Variants in TP73 observed in about 807,000 individuals in gnomAD.
TP73 encodes the protein p53-like transcription factor.
TP73 carries 25 observed loss-of-function variants against 62.5 expected under a neutral mutation model. The ratio of observed to expected loss-of-function variants is 0.40; its 90% CI spans 0.29 to 0.56. The LOEUF (loss-of-function observed/expected upper bound fraction) is 0.56. Among genes scored for constraint, TP73 ranks in the 20% least tolerant of loss-of-function variants. TP73 has a pLI of 0.46. For missense variants in TP73, 754 were observed against 913.3 expected (o/e 0.83, Z 2.25); for synonymous variants, 423 against 377.5 (o/e 1.12, Z -1.40).
intron 3 of TP73, among the ~76,000 whole-genome samples, chr1:3,683,474 G>A (rs1318882242): frequency 6.6e-6 from 1 of 152,154 alleles, no homozygotes; most frequent in East Asian, 1.9e-4. Flanking sequence ...TCCAGATGTA[G>A]GAAGGGCTTT....
rs1645252600 is a variant in TP73 at position 3,672,005 on chromosome 1, G to T, written c.-33-10328G>T. Reference sequence around the variant, plus strand: ...GAGTCAGGGCGGGACTCAGAGGGACGCATGACAAGTTCAGGGAGTTGACAG... The same window carrying T: ...GAGTCAGGGCGGGACTCAGAGGGACTCATGACAAGTTCAGGGAGTTGACAG... On this transcript the variant is annotated intron_variant, in intron 1 of 13. Transcript: ENST00000378295. This position sits in a 1 kb window ranked among gnomAD's most constrained non-coding sequence, Gnocchi z 5.3. Among the ~76,000 whole-genome samples, 1 of 152,152 alleles carries T rather than the reference G, an allele frequency of 6.6e-6. No homozygotes were observed. The highest frequency in any genetic ancestry group is 1.5e-5 in the Non-Finnish European group (1 of 68,012).
rs145718621 is a variant in TP73 at position 3,732,836 on chromosome 1, C to T, written c.1668C>T (p.Thr556=). The part of the protein sequence containing the change: ...QDLKQGHDYS[T]AQQLLRSSNA... ...TGAAGCAGGGCCACGACTACAGCAC[C>T]GCGCAGCAGCTGCTCCGCTCTAGCA... The change falls in exon 14 of 14, where the codon ACC becomes ACT. Residue 556 remains threonine (T), a synonymous_variant. Transcript: ENST00000378295. The T allele has an allele frequency of 5.0e-6, 8 of 1,611,736 alleles. No individual in the cohort carries two copies. The African/African-American group carries it at 9.3e-5, about 19-fold the overall frequency.
intron 3 of TP73, among the ~76,000 whole-genome samples, chr1:3,707,323 A>G (rs1282558928): frequency 6.6e-6 from 1 of 152,120 alleles, no homozygotes; most frequent in African/African-American, 2.4e-5. Flanking sequence ...GTGGATCCCC[A>G]GAAACCCTGG....
At chr1:3,655,075 G>C (rs1557475081) in intron 1 of TP73, among the ~76,000 whole-genome samples, 1 of 152,228 alleles carries the variant, frequency 6.6e-6, no homozygotes, top group Non-Finnish European at 1.5e-5. Context: ...TTTGCAAAAA[G>C]TCAGAAAAAG....
chr1:3,711,867 T>TGTGC (rs1491505004), intron 4 of TP73, among the ~76,000 whole-genome samples: 9 of 147,906 alleles, frequency 6.1e-5, no homozygotes, highest in East Asian at 3.9e-4. Flanking sequence ...TGTGTGTGTG[T>TGTGC]GCGCGAGCAT....
intron 4 of TP73, among the ~76,000 whole-genome samples, chr1:3,710,748 CACAG>C (rs1419260498): frequency 3.9e-5 from 6 of 152,234 alleles, no homozygotes; most frequent in African/African-American, 1.4e-4. Flanking sequence ...TGTGCACACA[CACAG>C]ACACAGCACC....
At chr1:3,665,757 C>T (rs1461884719) in intron 1 of TP73, among the ~76,000 whole-genome samples, 2 of 149,094 alleles carry the variant, frequency 1.3e-5, no homozygotes, top group South Asian at 2.1e-4. Flanking sequence ...CAGGTTCAAG[C>T]GATTCTCCTG....
chr1:3,699,714 C>T lies in TP73; in HGVS notation c.187-7835C>T, dbSNP rs1463319803. Reference sequence around the variant, plus strand: ...ATGAATGAGAGTGCGGGATAAATGCCGGGCGGGGAGCAGGGATGCTCGGGC... The same window carrying T: ...ATGAATGAGAGTGCGGGATAAATGCTGGGCGGGGAGCAGGGATGCTCGGGC... On this transcript the variant is annotated intron_variant, in intron 3 of 13. Coordinates refer to ENST00000378295, the MANE Select transcript of TP73 (RefSeq NM_005427.4). This position sits in a 1 kb window ranked among gnomAD's most constrained non-coding sequence, Gnocchi z 4.1. 6.6e-6 allele frequency among the ~76,000 whole-genome samples: 1 copy of T among 152,104 alleles called. No homozygotes were observed. The highest frequency in any genetic ancestry group is 1.5e-5 in the Non-Finnish European group (1 of 68,008).
rs1298937423 is a variant in TP73 at position 3,727,115 on chromosome 1, G to A, written c.733G>A (p.Val245Met). 1 of 1,610,976 alleles carries A rather than the reference G, an allele frequency of 6.2e-7. No homozygotes were observed. The highest frequency in any genetic ancestry group is 8.5e-7 in the Non-Finnish European group (1 of 1,178,794). ...CCTCTCCCTGCTCCCCCATGTGCAGGTGGGGACGGAATTCACCACCATCCT... is the reference window on the plus strand; with the variant it reads ...CCTCTCCCTGCTCCCCCATGTGCAGATGGGGACGGAATTCACCACCATCCT... ...SVVVPYEPPQ[V>M]GTEFTTILYN... The change falls in exon 7 of 14, where the codon GTG becomes ATG. Residue 245 changes from valine to methionine, a missense_variant and splice_region_variant. Coordinates refer to ENST00000378295, the MANE Select transcript of TP73 (RefSeq NM_005427.4).
chr1:3,729,755 C>T (rs1214306419), intron 10 of TP73: 15 of 745,018 alleles, frequency 2.0e-5, no homozygotes, highest in African/African-American at 8.7e-5. Context: ...GACCAGAGTC[C>T]GATTCCAGTG....
rs1396213256 is a variant in TP73, at chr1:3,729,232, T to C, written c.1075-95T>C. 7.8e-6 allele frequency: 12 copies of C among 1,547,520 alleles called. No individual in the cohort carries two copies. In the East Asian group the frequency reaches 2.7e-4, roughly 35 times the overall value. The stretch of plus-strand genomic sequence containing the variant: ...CTGGGGAACCCCCAGAAAGGACAGA[T>C]GCTTTGCCAAGCCCAGGTCCTCCTG... On this transcript the variant is annotated intron_variant, in intron 9 of 13. Transcript: ENST00000378295.
chr1:3,656,434 G>A (rs1644867254), intron 1 of TP73, among the ~76,000 whole-genome samples: 1 of 152,222 alleles, frequency 6.6e-6, no homozygotes, highest in Admixed American at 6.5e-5. Context: ...AATGTTTCCT[G>A]TAATAACTCA....
chr1:3,673,853 C>T (rs1038771601), intron 1 of TP73, among the ~76,000 whole-genome samples: 2 of 152,142 alleles, frequency 1.3e-5, no homozygotes, highest in Non-Finnish European at 2.9e-5. Context: ...GCTTCCCAGG[C>T]AGGGTGCGGG....
intron 4 of TP73, among the ~76,000 whole-genome samples, chr1:3,717,834 C>T (rs1029987878): frequency 1.3e-5 from 2 of 152,184 alleles, no homozygotes; most frequent in Admixed American, 1.3e-4. Flanking sequence ...ACATCCTCCC[C>T]GAGGCCACCC....
At chr1:3,697,418 A>AC (rs34676550) in intron 3 of TP73, among the ~76,000 whole-genome samples, 1 of 151,362 alleles carries the variant, frequency 6.6e-6, no homozygotes, top group South Asian at 2.1e-4. Context: ...GCCTGGAAAC[A>AC]CCCCCAGGCC....
Position 3,727,784 on chromosome 1 carries a change from C to T in TP73, c.985+14C>T, listed in dbSNP as rs1308734407. 7 of 1,525,220 alleles carry T rather than the reference C, an allele frequency of 4.6e-6. No homozygotes were observed. Among genetic ancestry groups the T allele is most frequent in the Non-Finnish European group, 4.4e-6 (5 of 1,134,976 alleles). 94.5% of individuals were successfully genotyped at this position (1,525,220 alleles called of 1,614,324 possible). A position where few individuals can be genotyped will look rare whatever the true frequency, so the allele number is the denominator to read the frequency against. On this transcript the variant is annotated intron_variant, in intron 8 of 13. Coordinates refer to ENST00000378295, the MANE Select transcript of TP73 (RefSeq NM_005427.4). ...CCAGCAAGCGTGGTGAGCGGCCGGCCAGGGGAACTGGACGCGTGTGGGAGG... is the reference window on the plus strand; with the variant it reads ...CCAGCAAGCGTGGTGAGCGGCCGGCTAGGGGAACTGGACGCGTGTGGGAGG...
intron 3 of TP73, among the ~76,000 whole-genome samples, chr1:3,683,608 C>G (rs1360817768): frequency 6.6e-6 from 1 of 152,210 alleles, no homozygotes; most frequent in Non-Finnish European, 1.5e-5. Context: ...GGTCTGCTTT[C>G]CCCTGCAGTG....
Position 3,733,498 on chromosome 1 carries a change from A to AAAGT in TP73, c.*421_*424dup, listed in dbSNP as rs1295874983. On this transcript the variant is annotated 3_prime_UTR_variant, in exon 14 of 14. Transcript: ENST00000378295. ...ATCCTCTTTGCTGATGGACTGCCAA[A>AAAGT]AAGTATTTTGCGACATCTTTTGGTT... 4.4e-6 allele frequency: 1 copy of AAAGT among 224,942 alleles called. No homozygotes were observed. Among genetic ancestry groups the AAAGT allele is most frequent in the African/African-American group, 2.3e-5 (1 of 44,006 alleles). 13.9% of individuals were successfully genotyped at this position (224,942 alleles called of 1,614,324 possible). A position where few individuals can be genotyped will look rare whatever the true frequency, so the allele number is the denominator to read the frequency against.
intron 3 of TP73, among the ~76,000 whole-genome samples, chr1:3,706,258 G>A (rs571911554): frequency 1.7e-4 from 26 of 152,276 alleles, no homozygotes; most frequent in East Asian, 1.5e-3. Flanking sequence ...GGGGTCAATC[G>A]TTTCCCCAGC....
Sources: gnomAD v4.1 joint callset for allele counts (sites outside exome capture counted in the v4.1 genomes callset) on GRCh38, gnomAD v4.1.1 for gene constraint, Gnocchi (gnomAD v3.1) non-coding constraint, MANE v1.5 for transcripts, NCBI Gene and HGNC (gene_info 2026-07-23, HGNC 2026-07-21) for gene names.